ZNF471: variants seen among roughly 807,000 people sequenced by gnomAD.
ZNF471 encodes the protein zinc finger protein 471.
A neutral mutation model predicts 13.7 loss-of-function variants in ZNF471; 7 were observed. That is an observed-to-expected ratio of 0.51 (90% CI 0.29 to 0.96). The LOEUF (loss-of-function observed/expected upper bound fraction) is 0.96. Ranked by LOEUF, ZNF471 falls within the 40% of genes least tolerant of loss-of-function variation. The pLI is 0.08. For missense variants in ZNF471, 663 were observed against 743.3 expected (o/e 0.89, Z 1.26); for synonymous variants, 218 against 235.6 (o/e 0.93, Z 0.68).
chr19:56,512,502 T>C (rs368786370), intron 2 of ZNF471, among the ~76,000 whole-genome samples: 2 of 152,162 alleles, frequency 1.3e-5, no homozygotes, highest in Non-Finnish European at 2.9e-5. Flanking sequence ...TTACATTACA[T>C]GTATAATTTA....
At position 56,529,996 on chromosome 19, in the gene ZNF471, G is replaced by A. The variant is rs2044089507; in HGVS notation, c.*4048G>A. 1 of 152,196 alleles carries A rather than the reference G, an allele frequency of 6.6e-6. No individual in the cohort carries two copies. The highest frequency in any genetic ancestry group is 1.5e-5 in the Non-Finnish European group (1 of 68,032). 9.4% of individuals were successfully genotyped at this position (152,196 alleles called of 1,614,324 possible). On this transcript the variant is annotated 3_prime_UTR_variant, in exon 5 of 5. Transcript: ENST00000308031. Reference sequence around the variant, plus strand: ...ATATAGATGCATAAGCAAATGTGTTGCAGAATTGTGAAAAATTTGGAAAAA... The same window carrying A: ...ATATAGATGCATAAGCAAATGTGTTACAGAATTGTGAAAAATTTGGAAAAA...
chr19:56,507,914 G>C lies in ZNF471; in HGVS notation c.-62G>C. 1 of 985,658 alleles carries C rather than the reference G, an allele frequency of 1.0e-6. No homozygotes were observed. The highest frequency in any genetic ancestry group is 1.2e-6 in the Non-Finnish European group (1 of 830,054). 61.1% of individuals were successfully genotyped at this position (985,658 alleles called of 1,614,324 possible). On this transcript the variant is annotated 5_prime_UTR_variant, in exon 1 of 5. Coordinates refer to ENST00000308031, the MANE Select transcript of ZNF471 (RefSeq NM_020813.4). ...TGAGAGCGTCTGGGTGCCAGACGAG[G>C]CCGGGGGTTTGTTTTGGGTGGTTTG...
In ZNF471 at chr19:56,524,300, T is replaced by A; in HGVS notation, c.257-24T>A. On this transcript the variant is annotated intron_variant, in intron 4 of 4. Coordinates refer to ENST00000308031, the MANE Select transcript of ZNF471 (RefSeq NM_020813.4). This position sits in a 1 kb window ranked among gnomAD's most constrained non-coding sequence, Gnocchi z 4.8. ...TTGTAGCCCATGATAAAGGGAACAT[T>A]CACTTTTTTTTAATATCTTTCAGAT... 4.1e-6 allele frequency: 6 copies of A among 1,464,458 alleles called. 1 individual carries two copies. In the South Asian group the frequency reaches 8.7e-5, roughly 21 times the overall value. 90.7% of individuals were successfully genotyped at this position (1,464,458 alleles called of 1,614,324 possible). A position where few individuals can be genotyped will look rare whatever the true frequency, so the allele number is the denominator to read the frequency against.
chr19:56,525,432 A>G lies in ZNF471; in HGVS notation c.1365A>G (p.Gly455=). 1 of 1,614,132 alleles carries G rather than the reference A, an allele frequency of 6.2e-7. No individual in the cohort carries two copies. Among genetic ancestry groups the G allele is most frequent in the Non-Finnish European group, 8.5e-7 (1 of 1,180,018 alleles). The part of the protein sequence containing the change: ...SLTQHQRVHS[G]EKPYECKECG... ...CTCAGCATCAAAGAGTACATTCTGG[A>G]GAGAAACCGTATGAATGCAAGGAAT... The change falls in exon 5 of 5, where the codon GGA becomes GGG. Residue 455 remains glycine (G), a synonymous_variant. Coordinates refer to ENST00000308031, the MANE Select transcript of ZNF471 (RefSeq NM_020813.4).
chr19:56,519,719 C>T (rs1007381359), intron 4 of ZNF471, among the ~76,000 whole-genome samples: 1 of 152,198 alleles, frequency 6.6e-6, no homozygotes, highest in African/African-American at 2.4e-5. Flanking sequence ...ACAATAGTCC[C>T]CCTATTCAAG....
At chr19:56,520,803 A>G (rs1445711946) in intron 4 of ZNF471, among the ~76,000 whole-genome samples, 2 of 152,148 alleles carry the variant, frequency 1.3e-5, no homozygotes, top group African/African-American at 4.8e-5. Context: ...TAAATTAGCC[A>G]TGGCCGGCTA....
chr19:56,521,558 G>T (rs1347266670), intron 4 of ZNF471, among the ~76,000 whole-genome samples: 5 of 142,762 alleles, frequency 3.5e-5, no homozygotes, highest in Non-Finnish European at 6.0e-5. Context: ...AGAATGGCAT[G>T]AACCCGGGAG....
intron 2 of ZNF471, among the ~76,000 whole-genome samples, chr19:56,515,510 T>G (rs1041550709): frequency 6.6e-6 from 1 of 152,246 alleles, no homozygotes; most frequent in African/African-American, 2.4e-5. Context: ...TAAAATGTGC[T>G]TTTAAACACT....
At position 56,508,252 on chromosome 19, in the gene ZNF471, T is replaced by TGTGTGTGTGTGTGTGTGAGA. The variant is rs10691807; in HGVS notation, c.-56+333_-56+334insTGTGTGTGTGTGTGTGAGAG. The TGTGTGTGTGTGTGTGTGAGA allele has an allele frequency of 5.2e-6, 4 of 764,486 alleles. No individual in the cohort carries two copies. The African/African-American group carries it at 7.8e-5, about 15-fold the overall frequency. 47.4% of individuals were successfully genotyped at this position (764,486 alleles called of 1,614,324 possible). On this transcript the variant is annotated intron_variant, in intron 1 of 4. Transcript: ENST00000308031. The surrounding 1 kb of genome is among the most constrained non-coding windows in gnomAD (Gnocchi z 4.7). Reference sequence around the variant, plus strand: ...TTCTGTGTGTGTGTGTGTGTGTGTGTGACAGACCGAGAGTCCAGTGTGAGA... The same window carrying TGTGTGTGTGTGTGTGTGAGA: ...TTCTGTGTGTGTGTGTGTGTGTGTGTGTGTGTGTGTGTGTGTGAGAGACAGACCGAGAGTCCAGTGTGAGA...
At chr19:56,513,141 C>T (rs2043833409) in intron 2 of ZNF471, among the ~76,000 whole-genome samples, 1 of 151,934 alleles carries the variant, frequency 6.6e-6, no homozygotes, top group South Asian at 2.1e-4. Flanking sequence ...AAGTTGGGAT[C>T]TCCACAATAC....
Position 56,522,432 on chromosome 19 carries a change from C to T in ZNF471, c.257-1892C>T, listed in dbSNP as rs1338511606. On this transcript the variant is annotated intron_variant, in intron 4 of 4. Coordinates refer to ENST00000308031, the MANE Select transcript of ZNF471 (RefSeq NM_020813.4). This position sits in a 1 kb window ranked among gnomAD's most constrained non-coding sequence, Gnocchi z 4.1. Reference sequence around the variant, plus strand: ...TCTTCTCAAAACTTTTTTTGTTGGTCTTGTCTTCCTAAATTACTTTCTAAA... The same window carrying T: ...TCTTCTCAAAACTTTTTTTGTTGGTTTTGTCTTCCTAAATTACTTTCTAAA... Among the ~76,000 whole-genome samples, 1 of 152,092 alleles carries T rather than the reference C, an allele frequency of 6.6e-6. No individual in the cohort carries two copies. Among genetic ancestry groups the T allele is most frequent in the Non-Finnish European group, 1.5e-5 (1 of 68,012 alleles).
chr19:56,522,407 T>C lies in ZNF471; in HGVS notation c.257-1917T>C, dbSNP rs1448018895. Among the ~76,000 whole-genome samples the C allele has an allele frequency of 6.6e-6, 1 of 152,240 alleles. No homozygotes were observed. Among genetic ancestry groups the C allele is most frequent in the Non-Finnish European group, 1.5e-5 (1 of 68,048 alleles). ...TCACACTTGATTATGTTTTGTATTA[T>C]CTTCTCAAAACTTTTTTTGTTGGTC... is the stretch of plus-strand genomic sequence containing the variant. On this transcript the variant is annotated intron_variant, in intron 4 of 4. Coordinates refer to ENST00000308031, the MANE Select transcript of ZNF471 (RefSeq NM_020813.4). This position sits in a 1 kb window ranked among gnomAD's most constrained non-coding sequence, Gnocchi z 4.1.
rs1017865366 is a variant in ZNF471, at chr19:56,524,003, T to C, written c.257-321T>C. ...CATGCTTGACTAATTTTTGTGTTTT[T>C]TGCAGAGATGGTGTTTTGCCATGTT... On this transcript the variant is annotated intron_variant, in intron 4 of 4. Coordinates refer to ENST00000308031, the MANE Select transcript of ZNF471 (RefSeq NM_020813.4). This position sits in a 1 kb window ranked among gnomAD's most constrained non-coding sequence, Gnocchi z 4.8. 8.5e-5 allele frequency among the ~76,000 whole-genome samples: 13 copies of C among 152,090 alleles called. No homozygotes were observed. The highest frequency in any genetic ancestry group is 2.9e-4 in the African/African-American group (12 of 41,418).
intron 4 of ZNF471, among the ~76,000 whole-genome samples, chr19:56,521,629 ACT>A (rs1283899988): frequency 5.6e-5 from 6 of 106,218 alleles, no homozygotes; most frequent in Non-Finnish European, 1.1e-4. Context: ...ACAGAGCAAG[ACT>A]CTGTCTCAAA....
rs2043811978 is a variant in ZNF471, at chr19:56,511,548, G to A, written c.-24G>A. 6.2e-7 allele frequency: 1 copy of A among 1,613,746 alleles called. No homozygotes were observed. Among genetic ancestry groups the A allele is most frequent in the Admixed American group, 1.7e-5 (1 of 59,952 alleles). ...CCTCCCAAGACACTGTTCTTCAAGA[G>A]AAAGACCAGAAGAGAAGGCAAAAAT... On this transcript the variant is annotated 5_prime_UTR_variant, in exon 2 of 5. Transcript: ENST00000308031.
chr19:56,513,415 A>G (rs548674997), intron 2 of ZNF471, among the ~76,000 whole-genome samples: 143 of 152,306 alleles, frequency 9.4e-4, no homozygotes, highest in Middle Eastern at 3.4e-3. Flanking sequence ...TTCAACCACA[A>G]ATATTCTGAA....
In ZNF471 at chr19:56,524,941, T is replaced by C. The variant is rs115866304; in HGVS notation, c.874T>C (p.Cys292Arg). ...TCATACTGGAGAAAAACCATATAAA[T>C]GTAAGGAATGCAGAAAAGCCTTCAG... Reference protein sequence around the residue: ...RIHTGEKPYKCKECRKAFRQP... With the variant: ...RIHTGEKPYKRKECRKAFRQP... The change falls in exon 5 of 5, where the codon TGT (cysteine) becomes CGT (arginine). Residue 292 changes from cysteine to arginine, a missense_variant. Coordinates refer to ENST00000308031, the MANE Select transcript of ZNF471 (RefSeq NM_020813.4). This position sits in a 1 kb window ranked among gnomAD's most constrained non-coding sequence, Gnocchi z 4.8. The C allele has an allele frequency of 5.7e-4, 921 of 1,614,066 alleles. 5 individuals carry two copies. In the African/African-American group the frequency reaches 0.011, roughly 19 times the overall value.
At chr19:56,512,447 AATTTAATTTACATTAGATTTTTAC>A (rs1326648228) in intron 2 of ZNF471, among the ~76,000 whole-genome samples, 1 of 151,914 alleles carries the variant, frequency 6.6e-6, no homozygotes, top group South Asian at 2.1e-4. Context: ...TTTTATGTTA[AATTTAATTTACATTAGATTTTTAC>A]ATTTAATTTA....
At chr19:56,513,193 G>A (rs1281504002) in intron 2 of ZNF471, among the ~76,000 whole-genome samples, 2 of 152,074 alleles carry the variant, frequency 1.3e-5, no homozygotes, top group African/African-American at 4.8e-5. Context: ...TCATACTCCT[G>A]AATAATGTTC....
Sources: allele counts gnomAD v4.1 joint callset (sites outside exome capture counted in the v4.1 genomes callset), GRCh38; gene constraint gnomAD v4.1.1; non-coding constraint Gnocchi (gnomAD v3.1); transcripts MANE v1.5; gene names NCBI Gene and HGNC (gene_info 2026-07-23, HGNC 2026-07-21).